AGBL4: variants seen among roughly 807,000 people sequenced by gnomAD.
AGBL4 encodes cytosolic carboxypeptidase 6.
A neutral mutation model predicts 66.4 loss-of-function variants in AGBL4; 58 were observed. The ratio of observed to expected loss-of-function variants is 0.87; its 90% CI spans 0.71 to 1.09. AGBL4 has a LOEUF of 1.09. Among genes scored for constraint, AGBL4 ranks in the 50% least tolerant of loss-of-function variants. The pLI, the probability that AGBL4 is intolerant of heterozygous loss-of-function variation, is 0.00. For synonymous variants in AGBL4, 234 were observed against 222.9 expected (o/e 1.05, Z -0.44); for missense variants, 579 against 631.0 (o/e 0.92, Z 0.88).
At chr1:49,915,840 G>A (rs1651404733) in intron 1 of AGBL4, among the ~76,000 whole-genome samples, 1 of 152,082 alleles carries the variant, frequency 6.6e-6, no homozygotes. Flanking sequence ...CCCCTAATAG[G>A]GGCAGACTGA....
chr1:48,663,267 G>C, intron 6 of AGBL4, 26 bp from the exon 7 acceptor site: 1 of 1,611,594 alleles, frequency 6.2e-7, no homozygotes, highest in Non-Finnish European at 8.5e-7. Flanking sequence ...AAAGATGGTT[G>C]CTAAGGAGGG....
At chr1:49,015,176 T>C (rs1412359082) in intron 5 of AGBL4, among the ~76,000 whole-genome samples, 1 of 152,100 alleles carries the variant, frequency 6.6e-6, no homozygotes, top group Admixed American at 6.6e-5. Flanking sequence ...TAGCCCCTGA[T>C]TGTGTTGGGG....
chr1:49,289,643 A>G (rs1341400365), intron 3 of AGBL4, among the ~76,000 whole-genome samples: 1 of 152,214 alleles, frequency 6.6e-6, no homozygotes, highest in Non-Finnish European at 1.5e-5. Context: ...TTATTAAATA[A>G]GTAAAATCAT....
intron 3 of AGBL4, among the ~76,000 whole-genome samples, chr1:49,436,035 G>A (rs1448745457): frequency 1.3e-5 from 2 of 152,160 alleles, no homozygotes; most frequent in African/African-American, 4.8e-5. Flanking sequence ...GATTCATTCT[G>A]ACCGATATGA....
intron 3 of AGBL4, among the ~76,000 whole-genome samples, chr1:49,661,252 C>T (rs1335332399): frequency 4.6e-5 from 7 of 152,050 alleles, no homozygotes; most frequent in African/African-American, 1.7e-4. Context: ...CACTACACAC[C>T]TATCAAACTA....
At chr1:49,514,166 C>G (rs1271508116) in intron 3 of AGBL4, among the ~76,000 whole-genome samples, 1 of 151,856 alleles carries the variant, frequency 6.6e-6, no homozygotes, top group Non-Finnish European at 1.5e-5. Flanking sequence ...CATCTGCAAA[C>G]AGGGACAATT....
intron 3 of AGBL4, chr1:49,257,597 A>T (rs1336817415): frequency 6.5e-6 from 1 of 152,812 alleles, no homozygotes; most frequent in Non-Finnish European, 1.5e-5. Context: ...CAGGAAAGGG[A>T]ACTCCCTGAC....
intron 3 of AGBL4, among the ~76,000 whole-genome samples, chr1:49,287,730 A>G (rs1292922995): frequency 2.9e-4 from 44 of 149,728 alleles, no homozygotes; most frequent in African/African-American, 1.0e-3. Flanking sequence ...GCTGGAGAGG[A>G]TGTGGAGAAA....
chr1:49,936,636 C>G (rs993611410), intron 1 of AGBL4, among the ~76,000 whole-genome samples: 3 of 152,194 alleles, frequency 2.0e-5, no homozygotes. Context: ...AACAGCGGAT[C>G]TCTCGGCAGA....
chr1:48,939,843 C>T (rs1424469472), intron 5 of AGBL4, among the ~76,000 whole-genome samples: 1 of 152,152 alleles, frequency 6.6e-6, no homozygotes, highest in African/African-American at 2.4e-5. Context: ...GATTCTAAAC[C>T]AGGGATAATT....
intron 4 of AGBL4, among the ~76,000 whole-genome samples, chr1:49,147,836 G>C (rs767638917): frequency 7.2e-5 from 11 of 152,038 alleles, no homozygotes; most frequent in Non-Finnish European, 1.3e-4. Flanking sequence ...GAAGGAGAGG[G>C]GGGGTGACAA....
chr1:49,532,064 C>T (rs547842081), intron 3 of AGBL4, among the ~76,000 whole-genome samples: 28 of 152,200 alleles, frequency 1.8e-4, no homozygotes, highest in Admixed American at 3.9e-4. Context: ...GTTAGTTCCC[C>T]TTCATCATAT....
rs369879738 is a variant in AGBL4, at chr1:49,828,925, C to T, written c.157+22471G>A. Among the ~76,000 whole-genome samples, 16 of 152,058 alleles carry T rather than the reference C, an allele frequency of 1.1e-4. No individual in the cohort carries two copies. In the East Asian group the frequency reaches 1.4e-3, roughly 13 times the overall value. ...TCTACTAAAAATACAAAAAATTGGCCGGGCGCGGTGGCAGACACCTGTAGT... is the reference window on the plus strand; with the variant it reads ...TCTACTAAAAATACAAAAAATTGGCTGGGCGCGGTGGCAGACACCTGTAGT... On this transcript the variant is annotated intron_variant, in intron 2 of 13. Coordinates refer to ENST00000371839, the MANE Select transcript of AGBL4 (RefSeq NM_032785.4).
chr1:49,156,084 C>T (rs1396850977), intron 4 of AGBL4, among the ~76,000 whole-genome samples: 1 of 152,182 alleles, frequency 6.6e-6, no homozygotes, highest in Non-Finnish European at 1.5e-5. Context: ...TTTGCTACCA[C>T]TGCAGCTACA....
At chr1:49,314,137 C>G (rs901074131) in intron 3 of AGBL4, among the ~76,000 whole-genome samples, 4 of 152,074 alleles carry the variant, frequency 2.6e-5, no homozygotes, top group Non-Finnish European at 5.9e-5. Flanking sequence ...GCTTTCCCCA[C>G]TGCTTGTTTT....
chr1:48,650,306 A>T (rs1286613248), intron 8 of AGBL4, among the ~76,000 whole-genome samples: 1 of 152,164 alleles, frequency 6.6e-6, no homozygotes, highest in Non-Finnish European at 1.5e-5. Context: ...GTCCAGAGGG[A>T]GATGTTGAGA....
chr1:49,072,494 C>T (rs1644627305), intron 4 of AGBL4, among the ~76,000 whole-genome samples: 2 of 152,176 alleles, frequency 1.3e-5, no homozygotes, highest in Non-Finnish European at 2.9e-5. Context: ...TTCTCCTTCA[C>T]TTATGAAGCT....
At chr1:49,498,744 C>T (rs1647846108) in intron 3 of AGBL4, among the ~76,000 whole-genome samples, 1 of 151,886 alleles carries the variant, frequency 6.6e-6, no homozygotes, top group African/African-American at 2.4e-5. Flanking sequence ...GTACATTCCT[C>T]TTATACCTAA....
intron 1 of AGBL4, among the ~76,000 whole-genome samples, chr1:50,020,621 A>G (rs553122744): frequency 1.3e-5 from 2 of 152,190 alleles, no homozygotes; most frequent in Non-Finnish European, 2.9e-5. Context: ...TGTAATACAA[A>G]CACAAAGCCA....
Sources: gnomAD v4.1 joint callset for allele counts (sites outside exome capture counted in the v4.1 genomes callset) on GRCh38, gnomAD v4.1.1 for gene constraint, MANE v1.5 for transcripts, NCBI Gene and HGNC (gene_info 2026-07-23, HGNC 2026-07-21) for gene names.